The following P2RY8 variants were observed in gnomAD, a reference collection of about 807,000 sequenced individuals.
P2RY8 encodes the protein P2Y receptor family member 8.
A neutral mutation model predicts 10.0 loss-of-function variants in P2RY8; 6 were observed. That is an observed-to-expected ratio of 0.60 (90% CI 0.33 to 1.19). The LOEUF is 1.19. Among genes scored for constraint, P2RY8 ranks in the 50% most tolerant of loss-of-function variants. The pLI is 0.04. For synonymous variants in P2RY8, 276 were observed against 252.5 expected, an observed-to-expected ratio of 1.09 and a Z score of -0.88; for missense variants, 456 against 542.0, an observed-to-expected ratio of 0.84 and a Z score of 1.58.
intron 1 of P2RY8, among the ~76,000 whole-genome samples, chrX:1,479,834 T>A (rs770782014): frequency 6.6e-6 from 1 of 152,114 alleles, no homozygotes; most frequent in East Asian, 1.9e-4. Context: ...CCCATGGACA[T>A]TAAAAAGATC....
intron 1 of P2RY8, among the ~76,000 whole-genome samples, chrX:1,525,998 TTCAC>T (rs1445599012): frequency 1.3e-5 from 2 of 152,034 alleles, no homozygotes; most frequent in East Asian, 1.9e-4. Flanking sequence ...CATGCATCCA[TTCAC>T]TCACTCATTC....
At chrX:1,530,055 G>A (rs1167100342) in intron 1 of P2RY8, among the ~76,000 whole-genome samples, 1 of 151,826 alleles carries the variant, frequency 6.6e-6, no homozygotes, top group Non-Finnish European at 1.5e-5. Context: ...TTTTAGTATA[G>A]AGAATCTCTC....
intron 1 of P2RY8, among the ~76,000 whole-genome samples, chrX:1,506,741 A>C (rs1255659976): frequency 6.6e-6 from 1 of 150,448 alleles, no homozygotes; most frequent in East Asian, 2.0e-4. Flanking sequence ...GCAGTGGCGC[A>C]ATCTTGGCTC....
intron 1 of P2RY8, among the ~76,000 whole-genome samples, chrX:1,490,420 G>C (rs59333405): frequency 1.1e-4 from 15 of 137,592 alleles, no homozygotes; most frequent in East Asian, 6.6e-4. Context: ...CCCAGATTCA[G>C]TTCTGCAAAT....
At chrX:1,531,809 G>A (rs73186990) in intron 1 of P2RY8, among the ~76,000 whole-genome samples, 5 of 152,070 alleles carry the variant, frequency 3.3e-5, no homozygotes, top group Admixed American at 6.6e-5. Context: ...ATGAAAACAC[G>A]CTCAACATCA....
intron 1 of P2RY8, among the ~76,000 whole-genome samples, chrX:1,472,846 G>A (rs1356450801): frequency 9.3e-5 from 14 of 150,112 alleles, no homozygotes; most frequent in Admixed American, 9.3e-4. Context: ...TGGATGGGTG[G>A]GTGGATGGAT....
Position 1,518,015 on chromosome X carries a change from G to A in P2RY8, c.-25+18906C>T, listed in dbSNP as rs778734010. Among the ~76,000 whole-genome samples the A allele has an allele frequency of 2.6e-4, 39 of 151,486 alleles. 1 individual carries two copies. The highest frequency in any genetic ancestry group is 1.3e-3 in the South Asian group (6 of 4,776). ...TCCCAGCTACTCAGGAGGCTGAGGC[G>A]GGAGAATTGCTTGAACCTGGGAGGC... On this transcript the variant is annotated intron_variant, in intron 1 of 1. Coordinates refer to ENST00000381297, the MANE Select transcript of P2RY8 (RefSeq NM_178129.5).
chrX:1,462,648 G>A lies in P2RY8; in HGVS notation c.*2831C>T. On this transcript the variant is annotated 3_prime_UTR_variant, in exon 2 of 2. Coordinates refer to ENST00000381297, the MANE Select transcript of P2RY8 (RefSeq NM_178129.5). ...TTTTTTACAGAGATGAGTTCTCACT[G>A]TGTTGCCTAGGTTGGCCCTTGAACA... is the stretch of plus-strand genomic sequence containing the variant. The A allele has an allele frequency of 4.3e-6, 1 of 232,834 alleles. No individual in the cohort carries two copies. The highest frequency in any genetic ancestry group is 8.5e-6 in the Non-Finnish European group (1 of 117,904). 14.4% of individuals were successfully genotyped at this position (232,834 alleles called of 1,614,324 possible). A position where few individuals can be genotyped will look rare whatever the true frequency, so the allele number is the denominator to read the frequency against.
At chrX:1,519,602 T>C (rs1273659178) in intron 1 of P2RY8, among the ~76,000 whole-genome samples, 1 of 151,734 alleles carries the variant, frequency 6.6e-6, no homozygotes, top group Non-Finnish European at 1.5e-5. Context: ...TTGTCTCTAA[T>C]CCCCAATTAT....
chrX:1,465,145 C>G lies in P2RY8; in HGVS notation c.*334G>C. On this transcript the variant is annotated 3_prime_UTR_variant, in exon 2 of 2. Transcript: ENST00000381297. ...GGAGCTCGGGGGTGACAGCCCAGCT[C>G]TACTAAAAAAAATACAAAAATTAGC... 1 of 413,764 alleles carries G rather than the reference C, an allele frequency of 2.4e-6. No homozygotes were observed. Among genetic ancestry groups the G allele is most frequent in the South Asian group, 4.2e-5 (1 of 23,952 alleles). The allele number at this position is 413,764 out of a possible 1,614,324, so 25.6% of individuals were successfully genotyped here.
Position 1,466,196 on chromosome X carries a change from G to A in P2RY8, c.363C>T (p.Arg121=). The change falls in exon 2 of 2, where the codon CGC becomes CGT. Residue 121 remains arginine (R), a synonymous_variant. Coordinates refer to ENST00000381297, the MANE Select transcript of P2RY8 (RefSeq NM_178129.5). The part of the protein sequence containing the change: ...ILTMTCISVE[R]FLGVLYPLSS... ...TGAGCGGGTACAGGACCCCCAGGAA[G>A]CGCTCCACGCTGATACAGGTCATGG... 6.2e-7 allele frequency: 1 copy of A among 1,612,996 alleles called. No individual in the cohort carries two copies. The highest frequency in any genetic ancestry group is 1.1e-5 in the South Asian group (1 of 90,958).
At chrX:1,508,520 T>C (rs1485663360) in intron 1 of P2RY8, among the ~76,000 whole-genome samples, 21 of 152,192 alleles carry the variant, frequency 1.4e-4, no homozygotes, top group Non-Finnish European at 1.5e-4. Flanking sequence ...TGGTTATCTA[T>C]GTATCCATCT....
At chrX:1,474,893 G>C (rs2091858057) in intron 1 of P2RY8, among the ~76,000 whole-genome samples, 1 of 145,004 alleles carries the variant, frequency 6.9e-6, no homozygotes, top group Admixed American at 6.9e-5. Context: ...TGGATGGATG[G>C]ATGGATGGAT....
chrX:1,513,084 A>G (rs2092311652), intron 1 of P2RY8, among the ~76,000 whole-genome samples: 1 of 127,230 alleles, frequency 7.9e-6, no homozygotes, highest in Non-Finnish European at 1.5e-5. Flanking sequence ...GTGTGTTCTC[A>G]TTGTTCAACT....
chrX:1,508,671 T>A (rs1455961796), intron 1 of P2RY8, among the ~76,000 whole-genome samples: 3 of 122,996 alleles, frequency 2.4e-5, no homozygotes, highest in African/African-American at 8.3e-5. Flanking sequence ...TGTATGTATT[T>A]ATCTATCCAT....
At chrX:1,524,093 A>G (rs1444114468) in intron 1 of P2RY8, among the ~76,000 whole-genome samples, 2 of 152,148 alleles carry the variant, frequency 1.3e-5, no homozygotes, top group East Asian at 1.9e-4. Flanking sequence ...TGGAGTGTCT[A>G]CACGTCTCCC....
At chrX:1,500,492 T>C (rs1389787324) in intron 1 of P2RY8, among the ~76,000 whole-genome samples, 1 of 151,982 alleles carries the variant, frequency 6.6e-6, no homozygotes, top group African/African-American at 2.4e-5. Flanking sequence ...TCATCTAGGC[T>C]GGAGTGCAGT....
chrX:1,474,586 GGATGGATGGATGGATGGAT>G, intron 1 of P2RY8, among the ~76,000 whole-genome samples: 1 of 144,416 alleles, frequency 6.9e-6, no homozygotes, highest in African/African-American at 2.7e-5. Context: ...ATGGATGGAT[GGATGGATGGATGGATGGAT>G]GGATAAGTGG....
At chrX:1,486,078 A>T (rs2091983542) in intron 1 of P2RY8, among the ~76,000 whole-genome samples, 1 of 152,096 alleles carries the variant, frequency 6.6e-6, no homozygotes, top group South Asian at 2.1e-4. Flanking sequence ...ATTATCTGGG[A>T]GTGGTGGCAG....
Sources: allele counts gnomAD v4.1 joint callset (sites outside exome capture counted in the v4.1 genomes callset), GRCh38; gene constraint gnomAD v4.1.1; transcripts MANE v1.5; gene names NCBI Gene and HGNC (gene_info 2026-07-23, HGNC 2026-07-21).